Variants in MTTP observed in about 807,000 individuals in gnomAD.
MTTP encodes microsomal triglyceride transfer protein.
MTTP carries 49 observed loss-of-function variants against 90.6 expected under a neutral mutation model. That is an observed-to-expected ratio of 0.54 (90% CI 0.43 to 0.69). The LOEUF (loss-of-function observed/expected upper bound fraction) is 0.69, where lower values mean the gene tolerates loss of function less well. Ranked by LOEUF, MTTP falls within the 30% of genes least tolerant of loss-of-function variation. MTTP has a pLI of 0.00. For synonymous variants in MTTP, 347 were observed against 384.2 expected (o/e 0.90, Z 1.13); for missense variants, 945 against 1,067.5 (o/e 0.89, Z 1.60).
rs146313211 is a variant in MTTP at position 99,620,872 on chromosome 4, A to G, written c.2343-189A>G. The G allele has an allele frequency of 1.8e-3, 1,109 of 607,094 alleles. 11 individuals carry two copies. In the African/African-American group the frequency reaches 0.019, roughly 10 times the overall value. The allele number at this position is 607,094 out of a possible 1,614,324, so 37.6% of individuals were successfully genotyped here. A position where few individuals can be genotyped will look rare whatever the true frequency, so the allele number is the denominator to read the frequency against. ...GGGAAGGGCAAACCTTCCCTGCCCA[A>G]TATCTGAGACTCACCAGGCCCTGGT... is the stretch of plus-strand genomic sequence containing the variant. On this transcript the variant is annotated intron_variant, in intron 16 of 17. Coordinates refer to ENST00000265517, the MANE Select transcript of MTTP (RefSeq NM_001386140.1).
chr4:99,579,027 A>G (rs1443559157), intron 1 of MTTP, among the ~76,000 whole-genome samples: 2 of 152,210 alleles, frequency 1.3e-5, no homozygotes, highest in Non-Finnish European at 2.9e-5. Context: ...ACATAGAGAT[A>G]AGAGGGAATC....
chr4:99,619,671 A>T (rs2110237455), intron 16 of MTTP, among the ~76,000 whole-genome samples: 1 of 152,328 alleles, frequency 6.6e-6, no homozygotes, highest in Admixed American at 6.5e-5. Context: ...CAGAATTTTT[A>T]AAAAGGAAAT....
At position 99,583,407 on chromosome 4, in the gene MTTP, CAG is replaced by C; in HGVS notation, c.288_289del (p.Gly97ArgfsTer12). Reference sequence around the variant, plus strand: ...TGTAAATGTTGAAAATGTGAATCAGCAGAGAGGAGAGAAGAGCATCTTCAAAG... The same window carrying C: ...TGTAAATGTTGAAAATGTGAATCAGCAGAGGAGAGAAGAGCATCTTCAAAG... ...KDVNVENVNQQRGEKSIFKGK... is the reference protein window; with the variant it reads ...KDVNVENVNQXRGEKSIFKGK... On this transcript the variant is annotated frameshift_variant, in exon 3 of 18. Coordinates refer to ENST00000265517, the MANE Select transcript of MTTP (RefSeq NM_001386140.1). LOFTEE classifies it high-confidence loss of function. 1 of 1,613,092 alleles carries C rather than the reference CAG, an allele frequency of 6.2e-7. No homozygotes were observed. The highest frequency in any genetic ancestry group is 8.5e-7 in the Non-Finnish European group (1 of 1,179,682).
intron 4 of MTTP, 66 bp downstream of exon 4, chr4:99,589,816 A>T: frequency 9.1e-7 from 1 of 1,095,882 alleles, no homozygotes; most frequent in South Asian, 1.3e-5. Flanking sequence ...TACTTATACA[A>T]TTTCAGTAGA....
chr4:99,584,818 CTT>C (rs1255344933), intron 3 of MTTP, among the ~76,000 whole-genome samples: 1 of 152,112 alleles, frequency 6.6e-6, no homozygotes, highest in Admixed American at 6.6e-5. Context: ...TCCAATTCCT[CTT>C]TGTATTTCAG....
At chr4:99,569,454 TTAA>T (rs1022560932) in intron 1 of MTTP, among the ~76,000 whole-genome samples, 19 of 152,078 alleles carry the variant, frequency 1.2e-4, no homozygotes, top group African/African-American at 3.6e-4. Flanking sequence ...TATTGGTTTA[TTAA>T]TAATAACAAA....
chr4:99,576,749 A>G (rs1231611223), intron 1 of MTTP, among the ~76,000 whole-genome samples: 1 of 151,810 alleles, frequency 6.6e-6, no homozygotes, highest in African/African-American at 2.4e-5. Context: ...AGACAATGGC[A>G]TAATTGGGAA....
chr4:99,608,557 C>G (rs35779395), intron 11 of MTTP, among the ~76,000 whole-genome samples: 2 of 152,200 alleles, frequency 1.3e-5, no homozygotes, highest in Non-Finnish European at 2.9e-5. Context: ...CAGCTCTTAA[C>G]GGCCTCAGCC....
chr4:99,583,589 T>C (rs760560999), intron 3 of MTTP, 72 bp downstream of exon 3: 1 of 1,556,946 alleles, frequency 6.4e-7, no homozygotes, highest in South Asian at 1.1e-5. Flanking sequence ...AGATATTATT[T>C]TGAGGTAATC....
Position 99,622,979 on chromosome 4 carries a change from C to T in MTTP, c.*131C>T, listed in dbSNP as rs1726279414. On this transcript the variant is annotated 3_prime_UTR_variant, in exon 18 of 18. Coordinates refer to ENST00000265517, the MANE Select transcript of MTTP (RefSeq NM_001386140.1). ...TATTTAAGATTTTTGTAAAAAGCTA[C>T]AAAAAACTGCAGTTTGATCAAATTT... 9 of 1,106,526 alleles carry T rather than the reference C, an allele frequency of 8.1e-6. No homozygotes were observed. Among genetic ancestry groups the T allele is most frequent in the Non-Finnish European group, 1.1e-5 (8 of 735,078 alleles). The allele number at this position is 1,106,526 out of a possible 1,614,324, so 68.5% of individuals were successfully genotyped here. A position where few individuals can be genotyped will look rare whatever the true frequency, so the allele number is the denominator to read the frequency against.
At chr4:99,605,539 T>A (rs184402883) in intron 10 of MTTP, among the ~76,000 whole-genome samples, 138 of 152,256 alleles carry the variant, frequency 9.1e-4, no homozygotes, top group Middle Eastern at 3.4e-3. Flanking sequence ...AAGTGAATAA[T>A]CTCAGGCACA....
upstream of MTTP, among the ~76,000 whole-genome samples, chr4:99,573,602 G>T (rs541844601): frequency 1.4e-4 from 22 of 152,202 alleles, no homozygotes; most frequent in African/African-American, 4.8e-4. Flanking sequence ...TATAATTCAA[G>T]AGGAAATATG....
intron 17 of MTTP, among the ~76,000 whole-genome samples, chr4:99,621,804 C>T (rs929184853): frequency 6.6e-6 from 1 of 152,090 alleles, no homozygotes; most frequent in African/African-American, 2.4e-5. Context: ...TTCCATGTAA[C>T]ATTTGTGCTG....
At chr4:99,566,461 A>G (rs570073743) in intron 1 of MTTP, among the ~76,000 whole-genome samples, 1 of 152,314 alleles carries the variant, frequency 6.6e-6, no homozygotes, top group South Asian at 2.1e-4. Context: ...TCAAAGAGAT[A>G]CTACTCCATG....
Position 99,597,144 on chromosome 4 carries a change from C to T in MTTP, c.987C>T (p.Phe329=), listed in dbSNP as rs1725575931. 3 of 1,613,898 alleles carry T rather than the reference C, an allele frequency of 1.9e-6. No individual in the cohort carries two copies. Among genetic ancestry groups the T allele is most frequent in the African/African-American group, 1.3e-5 (1 of 74,884 alleles). Residue 329 remains phenylalanine (F), a synonymous_variant, in exon 8 of 18, where the codon TTC becomes TTT. Coordinates refer to ENST00000265517, the MANE Select transcript of MTTP (RefSeq NM_001386140.1). ...CCAAGGCTGAGGCTGTCAGAAACTT[C>T]CTGGCCTTCATTCAGCACCTCAGGA... The part of the protein sequence containing the change: ...NLSKAEAVRN[F]LAFIQHLRTA...
chr4:99,611,514 AT>A (rs777378334), intron 14 of MTTP, 61 bp downstream of exon 14: 81 of 1,575,662 alleles, frequency 5.1e-5, no homozygotes, highest in Non-Finnish European at 6.8e-5. Flanking sequence ...CTGAGGTAAA[AT>A]AAAACATATA....
At position 99,597,104 on chromosome 4, in the gene MTTP, A is replaced by T. The variant is rs754576661; in HGVS notation, c.947A>T (p.Gln316Leu). 2 of 1,614,018 alleles carry T rather than the reference A, an allele frequency of 1.2e-6. No individual in the cohort carries two copies. Among genetic ancestry groups the T allele is most frequent in the Non-Finnish European group, 1.7e-6 (2 of 1,179,908 alleles). Residue 316 changes from glutamine to leucine, a missense_variant, in exon 8 of 18, where the codon CAG becomes CTG. Physicochemically the swap from Gln to Leu is moderately radical, Grantham distance 113. Transcript: ENST00000265517. ...TGGCGGTCCACCAGGAAATACCTGC[A>T]GCCTGACAACCTTTCCAAGGCTGAG... ...ELWRSTRKYL[Q>L]PDNLSKAEAV...
Position 99,566,323 on chromosome 4 carries a change from G to C in MTTP, c.-102+2086G>C, listed in dbSNP as rs187749248. Among the ~76,000 whole-genome samples, 949 of 147,792 alleles carry C rather than the reference G, an allele frequency of 6.4e-3. 10 individuals are homozygous for C. Among genetic ancestry groups the C allele is most frequent in the African/African-American group, 0.022 (888 of 39,970 alleles). ...AAAAAAAAAAAAAAAAAGAAAAATAGGTTTTGAAAAAATAGTTTTGTTTTA... is the reference window on the plus strand; with the variant it reads ...AAAAAAAAAAAAAAAAAGAAAAATACGTTTTGAAAAAATAGTTTTGTTTTA... On this transcript the variant is annotated intron_variant, in intron 1 of 18. Transcript: ENST00000457717.
chr4:99,618,871 A>G (rs551204873), intron 15 of MTTP, 103 bp from the exon 16 acceptor site: 1 of 1,470,062 alleles, frequency 6.8e-7, no homozygotes, highest in Non-Finnish European at 9.4e-7. Context: ...ACACAACTCA[A>G]ATGGAATTAT....
Sources: allele counts gnomAD v4.1 joint callset (sites outside exome capture counted in the v4.1 genomes callset), GRCh38; gene constraint gnomAD v4.1.1; transcripts MANE v1.5; gene names NCBI Gene and HGNC (gene_info 2026-07-23, HGNC 2026-07-21).